PTPN21: variants seen among roughly 807,000 people sequenced by gnomAD.
PTPN21 encodes protein tyrosine phosphatase non-receptor type 21.
In PTPN21, 77 loss-of-function variants were observed where a neutral mutation model predicts 131.8. The observed-to-expected ratio is 0.58, with a 90% CI of 0.49 to 0.71. The LOEUF (loss-of-function observed/expected upper bound fraction) is 0.71. Among genes scored for constraint, PTPN21 ranks in the 30% least tolerant of loss-of-function variants. The probability of loss-of-function intolerance (pLI) is 0.00; values close to 1 mark genes in which losing one functional copy is unlikely to be tolerated. For missense variants in PTPN21, 1,552 were observed against 1,527.1 expected, an observed-to-expected ratio of 1.02 and a Z score of -0.27; for synonymous variants, 715 against 621.3, an observed-to-expected ratio of 1.15 and a Z score of -2.24.
Position 88,530,089 on chromosome 14 carries a change from A to G in PTPN21, c.181-12828T>C, listed in dbSNP as rs180714150. Among the ~76,000 whole-genome samples the G allele has an allele frequency of 1.1e-3, 162 of 152,206 alleles. 2 individuals are homozygous for G. In the East Asian group the frequency reaches 0.023, roughly 22 times the overall value. ...ATTAACAGCAGATTTCTCAGCAGAA[A>G]CTCTACAAGCCAGAAGGCATTGGGG... On this transcript the variant is annotated intron_variant, in intron 2 of 18. Coordinates refer to ENST00000556564, the MANE Select transcript of PTPN21 (RefSeq NM_007039.4).
chr14:88,531,504 C>A (rs1416589176), intron 2 of PTPN21, among the ~76,000 whole-genome samples: 1 of 152,102 alleles, frequency 6.6e-6, no homozygotes, highest in Non-Finnish European at 1.5e-5. Context: ...TTGTGGTAAG[C>A]CGAGATTGCG....
chr14:88,554,033 AAAAT>A (rs975320507), intron 1 of PTPN21, among the ~76,000 whole-genome samples: 58 of 152,350 alleles, frequency 3.8e-4, no homozygotes, highest in African/African-American at 1.3e-3. Flanking sequence ...CAAACTTAAA[AAAAT>A]AAATAAACTG....
chr14:88,547,162 T>C (rs572840527), intron 2 of PTPN21, among the ~76,000 whole-genome samples: 2 of 152,278 alleles, frequency 1.3e-5, no homozygotes, highest in East Asian at 3.9e-4. Context: ...CAGTTCTCCC[T>C]GTATTTACTG....
intron 4 of PTPN21, 140 bp from the exon 5 acceptor site, chr14:88,505,511 A>G (rs2078074617): frequency 1.9e-6 from 1 of 516,508 alleles, no homozygotes; most frequent in Non-Finnish European, 3.4e-6. Context: ...TATAAAGTAT[A>G]TTTTTAAAGT....
At chr14:88,499,343 T>C (rs576998291) in intron 8 of PTPN21, 1 of 152,306 alleles carries the variant, frequency 6.6e-6, no homozygotes, top group South Asian at 2.1e-4. Context: ...GATGTCAGTT[T>C]AGAGAAAAAG....
At chr14:88,516,527 A>G (rs2078272880) in intron 3 of PTPN21, among the ~76,000 whole-genome samples, 1 of 152,132 alleles carries the variant, frequency 6.6e-6, no homozygotes, top group African/African-American at 2.4e-5. Context: ...GGGAAAAAGA[A>G]TAAGAACACT....
intron 1 of PTPN21, among the ~76,000 whole-genome samples, chr14:88,554,429 A>G (rs2078899306): frequency 1.3e-5 from 2 of 152,230 alleles, no homozygotes; most frequent in Non-Finnish European, 2.9e-5. Flanking sequence ...CGTTCGGAAT[A>G]GAAGTTCAAG....
At chr14:88,525,438 G>A (rs1220156185) in intron 2 of PTPN21, among the ~76,000 whole-genome samples, 1 of 152,058 alleles carries the variant, frequency 6.6e-6, no homozygotes, top group Non-Finnish European at 1.5e-5. Context: ...AGATATGAAT[G>A]GCTAACAAGC....
intron 3 of PTPN21, among the ~76,000 whole-genome samples, chr14:88,513,322 A>G (rs1357960090): frequency 6.6e-6 from 1 of 151,824 alleles, no homozygotes; most frequent in Non-Finnish European, 1.5e-5. Flanking sequence ...GCGCCACCAC[A>G]CTCGGCTCAT....
chr14:88,506,243 G>A (rs1015773595), intron 4 of PTPN21, among the ~76,000 whole-genome samples: 1 of 152,106 alleles, frequency 6.6e-6, no homozygotes, highest in Non-Finnish European at 1.5e-5. Flanking sequence ...GGGAGGCTCA[G>A]GTGGGAGGAT....
intron 2 of PTPN21, among the ~76,000 whole-genome samples, chr14:88,547,177 C>G (rs1009004866): frequency 6.6e-6 from 1 of 151,818 alleles, no homozygotes; most frequent in African/African-American, 2.4e-5. Context: ...TTACTGAACA[C>G]ATTCCACACC....
chr14:88,533,175 G>C (rs1356630947), intron 2 of PTPN21, among the ~76,000 whole-genome samples: 1 of 152,150 alleles, frequency 6.6e-6, no homozygotes, highest in Non-Finnish European at 1.5e-5. Context: ...ACAAGTACAA[G>C]CATATTTTCC....
intron 2 of PTPN21, among the ~76,000 whole-genome samples, chr14:88,537,605 T>C (rs149756512): frequency 6.6e-6 from 1 of 152,238 alleles, no homozygotes; most frequent in Non-Finnish European, 1.5e-5. Context: ...AAGCAAAATA[T>C]ATATTATGCC....
chr14:88,551,699 C>T (rs1037784532), intron 1 of PTPN21: 1 of 152,190 alleles, frequency 6.6e-6, no homozygotes, highest in Non-Finnish European at 1.5e-5. Flanking sequence ...TTTTATAGAG[C>T]GAAGTCTCGC....
chr14:88,469,506 T>C lies in PTPN21; in HGVS notation c.3228A>G (p.Gly1076=). 1 of 1,611,984 alleles carries C rather than the reference T, an allele frequency of 6.2e-7. No individual in the cohort carries two copies. The part of the protein sequence containing the change: ...PEHGCPEDLK[G]FLSYLEEIQS... ...AAAGTTAAAGTCACTCACATAAAAA[T>C]CCCTTGAGGTCTTCTGGACAGCCAT... The change falls in exon 17 of 19, where the codon GGA becomes GGG. Residue 1076 remains glycine, a synonymous_variant. Coordinates refer to ENST00000556564, the MANE Select transcript of PTPN21 (RefSeq NM_007039.4). The surrounding 1 kb of genome is among the most constrained non-coding windows in gnomAD (Gnocchi z 4.3).
intron 3 of PTPN21, among the ~76,000 whole-genome samples, chr14:88,509,475 C>G (rs796559500): frequency 6.6e-6 from 1 of 152,160 alleles, no homozygotes; most frequent in South Asian, 2.1e-4. Context: ...AAGAACCTGA[C>G]CAAAACACCA....
At chr14:88,502,438 C>G (rs151212783) in intron 6 of PTPN21, among the ~76,000 whole-genome samples, 15 of 152,092 alleles carry the variant, frequency 9.9e-5, no homozygotes, top group Non-Finnish European at 1.9e-4. Flanking sequence ...CAACACATTC[C>G]GCCCATACCC....
chr14:88,477,740 A>G (rs1215242710), intron 13 of PTPN21, among the ~76,000 whole-genome samples: 5 of 152,160 alleles, frequency 3.3e-5, no homozygotes, highest in African/African-American at 1.2e-4. Flanking sequence ...TAATCAAGTT[A>G]GCCTGGCTCA....
At chr14:88,550,719 C>G (rs1476918043) in intron 1 of PTPN21, 100 bp from the exon 2 acceptor site, 1 of 268,430 alleles carries the variant, frequency 3.7e-6, no homozygotes, top group African/African-American at 2.2e-5. Flanking sequence ...CAAGCCGTCC[C>G]TCTCCACTGG....
Sources: gnomAD v4.1 joint callset for allele counts (sites outside exome capture counted in the v4.1 genomes callset) on GRCh38, gnomAD v4.1.1 for gene constraint, Gnocchi (gnomAD v3.1) non-coding constraint, MANE v1.5 for transcripts, NCBI Gene and HGNC (gene_info 2026-07-23, HGNC 2026-07-21) for gene names.